ACTR3C: variants seen among roughly 807,000 people sequenced by gnomAD.
ACTR3C encodes actin-related protein 3C.
Under a neutral mutation model 26.3 loss-of-function variants are expected in ACTR3C, and 18 were observed. The observed-to-expected ratio is 0.68, with a 90% CI of 0.47 to 1.01. The LOEUF (loss-of-function observed/expected upper bound fraction) is 1.01, where lower values mean the gene tolerates loss of function less well. ACTR3C is among the 50% of genes least tolerant of loss of function. The pLI is 0.00. For synonymous variants in ACTR3C, 55 were observed against 94.5 expected, an observed-to-expected ratio of 0.58 and a Z score of 2.42; for missense variants, 184 against 250.7, an observed-to-expected ratio of 0.73 and a Z score of 1.80.
At chr7:150,090,382 G>A in the ACTR3C span, among the ~76,000 whole-genome samples, 2 of 152,204 alleles carry the variant, frequency 1.3e-5, no homozygotes, top group Non-Finnish European at 2.9e-5. Context: ...GATGAAAGTC[G>A]TATGCACATG....
chr7:149,886,706 A>G, the ACTR3C span, among the ~76,000 whole-genome samples: 1 of 152,254 alleles, frequency 6.6e-6, no homozygotes, highest in Non-Finnish European at 1.5e-5. Flanking sequence ...CTGTAATCCT[A>G]GCATTTTGGG....
chr7:149,990,241 C>T, the ACTR3C span, among the ~76,000 whole-genome samples: 1 of 151,462 alleles, frequency 6.6e-6, no homozygotes, highest in East Asian at 1.9e-4. Flanking sequence ...CCTCCTTCAC[C>T]CACGTGCACC....
At chr7:149,959,945 A>G in the ACTR3C span, among the ~76,000 whole-genome samples, 2 of 152,046 alleles carry the variant, frequency 1.3e-5, no homozygotes, top group Non-Finnish European at 2.9e-5. Flanking sequence ...ACACAGTCCT[A>G]CAATTGGACT....
the ACTR3C span, among the ~76,000 whole-genome samples, chr7:150,116,615 G>C: frequency 1.3e-5 from 2 of 152,134 alleles, no homozygotes; most frequent in Non-Finnish European, 2.9e-5. Context: ...TCTGACCTAA[G>C]AATTGAGATA....
intron 1 of ACTR3C, among the ~76,000 whole-genome samples, chr7:150,315,082 ATTAT>A (rs1796730730): frequency 6.8e-6 from 1 of 147,242 alleles, no homozygotes; most frequent in African/African-American, 2.5e-5. Flanking sequence ...GAAAATATTT[ATTAT>A]TTATTATATT....
chr7:150,127,169 C>T, the ACTR3C span, among the ~76,000 whole-genome samples: 1 of 150,564 alleles, frequency 6.6e-6, no homozygotes, highest in African/African-American at 2.4e-5. Flanking sequence ...CACACACACA[C>T]ACACACACAC....
the ACTR3C span, among the ~76,000 whole-genome samples, chr7:149,907,497 T>TCTCTCTCTCTCTCTCTCTC: frequency 2.0e-5 from 3 of 150,834 alleles, no homozygotes; most frequent in Admixed American, 2.0e-4. Flanking sequence ...TCTCTCTCTC[T>TCTCTCTCTCTCTCTCTCTC]CTCTCTCTCT....
the ACTR3C span, among the ~76,000 whole-genome samples, chr7:149,998,966 C>T: frequency 1.3e-5 from 2 of 150,392 alleles, no homozygotes; most frequent in Non-Finnish European, 2.9e-5. Flanking sequence ...GCCTACGTGG[C>T]TAGCACCCAA....
At chr7:150,092,698 G>A in the ACTR3C span, among the ~76,000 whole-genome samples, 116 of 150,442 alleles carry the variant, frequency 7.7e-4, 1 homozygote, top group African/African-American at 2.7e-3. Context: ...CCCACACTCC[G>A]TTGCATCTCG....
the ACTR3C span, among the ~76,000 whole-genome samples, chr7:150,035,895 C>G: frequency 1.7e-4 from 23 of 137,504 alleles, 3 homozygotes; most frequent in Non-Finnish European, 3.3e-4. Flanking sequence ...GGGGATAGCT[C>G]TCAGTCCCCA....
At position 150,259,764 on chromosome 7, in the gene ACTR3C, G is replaced by T. The variant is rs1264795341; in HGVS notation, c.565-10710C>A. 7.9e-5 allele frequency among the ~76,000 whole-genome samples: 12 copies of T among 152,126 alleles called. No homozygotes were observed. The South Asian group carries it at 2.5e-3, about 32-fold the overall frequency. On this transcript the variant is annotated intron_variant, in intron 6 of 7. Transcript: ENST00000683684. The stretch of plus-strand genomic sequence containing the variant: ...GCCCATGGCTTGCTTGCTCATTTCT[G>T]CCAAAAATTGTATAAAATATTTGCT...
At chr7:149,892,123 C>T in the ACTR3C span, among the ~76,000 whole-genome samples, 2 of 151,692 alleles carry the variant, frequency 1.3e-5, no homozygotes, top group South Asian at 4.2e-4. Flanking sequence ...CAAAACCAAC[C>T]ATCACCACCA....
At chr7:150,180,614 G>A in the ACTR3C span, among the ~76,000 whole-genome samples, 9 of 146,544 alleles carry the variant, frequency 6.1e-5, 1 homozygote, top group East Asian at 8.1e-4. Flanking sequence ...CCGGGTTCAC[G>A]CCATTCTCCC....
chr7:150,068,798 A>C, the ACTR3C span, among the ~76,000 whole-genome samples: 3 of 151,042 alleles, frequency 2.0e-5, no homozygotes, highest in Non-Finnish European at 4.4e-5. Context: ...AAAAAAAAAA[A>C]AAAACCAAAA....
chr7:150,255,155 T>C (rs1472526961), intron 6 of ACTR3C, among the ~76,000 whole-genome samples: 2 of 151,622 alleles, frequency 1.3e-5, no homozygotes, highest in African/African-American at 2.4e-5. Context: ...TCCCTGTAGA[T>C]TGCGTGTTCA....
chr7:149,913,316 C>T, the ACTR3C span, among the ~76,000 whole-genome samples: 1 of 152,124 alleles, frequency 6.6e-6, no homozygotes, highest in African/African-American at 2.4e-5. Flanking sequence ...AGAAACGTTC[C>T]CTATTTCAAC....
the ACTR3C span, among the ~76,000 whole-genome samples, chr7:150,165,004 G>C: frequency 6.6e-6 from 1 of 152,146 alleles, no homozygotes; most frequent in South Asian, 2.1e-4. Flanking sequence ...CCTTGTCAGA[G>C]GTAAGGAAAC....
the ACTR3C span, among the ~76,000 whole-genome samples, chr7:149,958,857 T>G: frequency 6.6e-6 from 1 of 152,302 alleles, no homozygotes; most frequent in South Asian, 2.1e-4. Flanking sequence ...GGAACACTGG[T>G]CTATGTTTTT....
chr7:150,115,715 C>T, the ACTR3C span, among the ~76,000 whole-genome samples: 2 of 152,236 alleles, frequency 1.3e-5, no homozygotes, highest in Non-Finnish European at 2.9e-5. Context: ...CAAATAGGTA[C>T]AGTACTCAGT....
Sources: allele counts gnomAD v4.1 joint callset (sites outside exome capture counted in the v4.1 genomes callset), GRCh38; gene constraint gnomAD v4.1.1; transcripts MANE v1.5; gene names NCBI Gene and HGNC (gene_info 2026-07-23, HGNC 2026-07-21).